Variants in C11orf58 observed in about 807,000 individuals in gnomAD.
C11orf58 encodes the protein small acidic protein.
In C11orf58, 5 loss-of-function variants were observed where a neutral mutation model predicts 22.7. The ratio of observed to expected loss-of-function variants is 0.22; its 90% CI spans 0.12 to 0.46. The LOEUF (loss-of-function observed/expected upper bound fraction) is 0.46. Among genes scored for constraint, C11orf58 ranks in the 20% least tolerant of loss-of-function variants. C11orf58 has a pLI of 0.99. For synonymous variants in C11orf58, 71 were observed against 70.7 expected, an observed-to-expected ratio of 1.00 and a Z score of -0.02; for missense variants, 151 against 223.3, an observed-to-expected ratio of 0.68 and a Z score of 2.06.
chr11:16,746,009 T>A (rs1212137108), intron 2 of C11orf58, among the ~76,000 whole-genome samples: 1 of 152,256 alleles, frequency 6.6e-6, no homozygotes. Flanking sequence ...CAATAATACA[T>A]GTTTGAAGCT....
chr11:16,754,852 C>A lies in C11orf58; in HGVS notation c.319-19C>A, dbSNP rs1848563121. ...GGCTAATGTTTATTTTTAAAAGAGC[C>A]TGTTGATTGATGTTTTAGGTAGAAG... On this transcript the variant is annotated intron_variant, in intron 4 of 4. Coordinates refer to ENST00000228136, the MANE Select transcript of C11orf58 (RefSeq NM_014267.6). 6.2e-7 allele frequency: 1 copy of A among 1,609,248 alleles called. No homozygotes were observed. Among genetic ancestry groups the A allele is most frequent in the African/African-American group, 1.3e-5 (1 of 74,410 alleles).
At chr11:16,754,569 T>C (rs1848560019) in intron 4 of C11orf58, among the ~76,000 whole-genome samples, 1 of 104,984 alleles carries the variant, frequency 9.5e-6, no homozygotes, top group African/African-American at 3.7e-5. Flanking sequence ...TTTTTTTTTT[T>C]TTTTTTTTTT....
chr11:16,758,051 T>G lies in C11orf58; in HGVS notation c.*2947T>G, dbSNP rs1848595497. ...TCCACCACAGCCACATCCTAAATAC[T>G]TGGAATATCCGAAAACAACTTCTAA... On this transcript the variant is annotated 3_prime_UTR_variant, in exon 5 of 5. Transcript: ENST00000228136. Among the ~76,000 whole-genome samples the G allele has an allele frequency of 1.3e-5, 2 of 152,070 alleles. No individual in the cohort carries two copies. Among genetic ancestry groups the G allele is most frequent in the African/African-American group, 4.8e-5 (2 of 41,358 alleles).
intron 3 of C11orf58, chr11:16,748,472 T>G (rs1314294768): frequency 5.8e-6 from 1 of 173,676 alleles, no homozygotes; most frequent in African/African-American, 2.4e-5. Context: ...GCTGGGCACC[T>G]TGGCTTATGC....
chr11:16,741,795 A>G (rs1445381911), intron 1 of C11orf58, among the ~76,000 whole-genome samples: 6 of 152,194 alleles, frequency 3.9e-5, no homozygotes, highest in African/African-American at 1.4e-4. Context: ...ATGATCTGTC[A>G]TTGTCTCCCA....
chr11:16,738,966 A>T, intron 1 of C11orf58, 125 bp downstream of exon 1: 1 of 1,016,706 alleles, frequency 9.8e-7, no homozygotes, highest in Non-Finnish European at 1.5e-6. Context: ...GGAAGAAACC[A>T]GAAGAATGAG....
At chr11:16,751,645 T>C (rs1228234921) in intron 3 of C11orf58, 1 of 152,162 alleles carries the variant, frequency 6.6e-6, no homozygotes, top group Non-Finnish European at 1.5e-5. Context: ...AACATTGGGA[T>C]TTTTTGACAT....
Position 16,754,861 on chromosome 11 carries a change from G to A in C11orf58, c.319-10G>A. ...TTATTTTTAAAAGAGCCTGTTGATT[G>A]ATGTTTTAGGTAGAAGACCATGATG... On this transcript the variant is annotated splice_polypyrimidine_tract_variant and intron_variant, in intron 4 of 4. Coordinates refer to ENST00000228136, the MANE Select transcript of C11orf58 (RefSeq NM_014267.6). 6.2e-7 allele frequency: 1 copy of A among 1,610,870 alleles called. No homozygotes were observed. Among genetic ancestry groups the A allele is most frequent in the Admixed American group, 1.7e-5 (1 of 59,342 alleles).
chr11:16,743,049 C>T (rs960778789), intron 1 of C11orf58, among the ~76,000 whole-genome samples: 1 of 152,196 alleles, frequency 6.6e-6, no homozygotes, highest in African/African-American at 2.4e-5. Context: ...CATCAAAATA[C>T]AATACTTGAG....
At chr11:16,746,196 A>T (rs926479850) in intron 2 of C11orf58, among the ~76,000 whole-genome samples, 3 of 152,266 alleles carry the variant, frequency 2.0e-5, no homozygotes, top group African/African-American at 7.2e-5. Context: ...AGTTAGCCAG[A>T]CTACAACAGT....
At chr11:16,753,887 C>T (rs1467684738) in intron 4 of C11orf58, 15 of 510,322 alleles carry the variant, frequency 2.9e-5, no homozygotes, top group South Asian at 8.7e-5. Flanking sequence ...TTTGTAGAGA[C>T]GGAGTTTTGC....
In C11orf58 at chr11:16,757,703, C is replaced by G. The variant is rs1289357964; in HGVS notation, c.*2599C>G. Among the ~76,000 whole-genome samples the G allele has an allele frequency of 6.6e-6, 1 of 152,218 alleles. No homozygotes were observed. The highest frequency in any genetic ancestry group is 1.5e-5 in the Non-Finnish European group (1 of 68,044). ...GGCAACTTTTCCATATCATTCATGA[C>G]TTAATACCTGAAATGCACTTTTAAA... On this transcript the variant is annotated 3_prime_UTR_variant, in exon 5 of 5. Coordinates refer to ENST00000228136, the MANE Select transcript of C11orf58 (RefSeq NM_014267.6).
intron 2 of C11orf58, chr11:16,747,520 G>T (rs1332717690): frequency 6.6e-6 from 1 of 152,042 alleles, no homozygotes; most frequent in African/African-American, 2.4e-5. Context: ...TATGTTTAGA[G>T]TACAGGATTG....
In C11orf58 at chr11:16,755,143, A is replaced by T. The variant is rs774613510; in HGVS notation, c.*39A>T. 12 of 1,601,880 alleles carry T rather than the reference A, an allele frequency of 7.5e-6. No individual in the cohort carries two copies. The highest frequency in any genetic ancestry group is 8.5e-6 in the Non-Finnish European group (10 of 1,173,360). On this transcript the variant is annotated 3_prime_UTR_variant, in exon 5 of 5. Transcript: ENST00000228136. Reference sequence around the variant, plus strand: ...AGTCTTTGTATTAAAAGTAAGCCTTATTGTTACAATGCACAGTGGAGGACT... The same window carrying T: ...AGTCTTTGTATTAAAAGTAAGCCTTTTTGTTACAATGCACAGTGGAGGACT...
chr11:16,752,520 A>T (rs1439349590), intron 3 of C11orf58: 1 of 222,696 alleles, frequency 4.5e-6, no homozygotes, highest in Non-Finnish European at 8.7e-6. Flanking sequence ...ACTAGAAAAA[A>T]ATCTTTCAGG....
chr11:16,745,637 G>A (rs1848482053), intron 2 of C11orf58, among the ~76,000 whole-genome samples: 1 of 152,040 alleles, frequency 6.6e-6, no homozygotes, highest in Non-Finnish European at 1.5e-5. Flanking sequence ...GGCAGAGGCA[G>A]AAGTATATTC....
At chr11:16,741,735 C>T (rs1032875677) in intron 1 of C11orf58, among the ~76,000 whole-genome samples, 2 of 152,326 alleles carry the variant, frequency 1.3e-5, no homozygotes, top group Admixed American at 6.5e-5. Flanking sequence ...GTGTGAACTG[C>T]ACATGCGAGT....
rs780266890 is a variant in C11orf58, at chr11:16,754,996, T to C, written c.444T>C (p.Ala148=). The change falls in exon 5 of 5, where the codon GCT becomes GCC. Residue 148 remains alanine, a synonymous_variant. Coordinates refer to ENST00000228136, the MANE Select transcript of C11orf58 (RefSeq NM_014267.6). ...SDSESEKEES[A]EELQAAEHPD... ...CAGAGTCAGAGAAAGAAGAATCTGC[T>C]GAAGAACTCCAAGCTGCTGAGCACC... is the stretch of plus-strand genomic sequence containing the variant. 3.1e-6 allele frequency: 5 copies of C among 1,614,160 alleles called. No individual in the cohort carries two copies. The highest frequency in any genetic ancestry group is 4.2e-6 in the Non-Finnish European group (5 of 1,180,028).
At chr11:16,751,793 G>A (rs1750268461) in intron 3 of C11orf58, 1 of 152,236 alleles carries the variant, frequency 6.6e-6, no homozygotes, top group African/African-American at 2.4e-5. Flanking sequence ...GAACTGGGAA[G>A]GAATGGATTC....
Sources: allele counts gnomAD v4.1 joint callset (sites outside exome capture counted in the v4.1 genomes callset), GRCh38; gene constraint gnomAD v4.1.1; transcripts MANE v1.5; gene names NCBI Gene and HGNC (gene_info 2026-07-23, HGNC 2026-07-21).